The following CNIH3 variants were observed in gnomAD, a reference collection of about 807,000 sequenced individuals.
CNIH3 encodes the protein cornichon family AMPA receptor auxiliary protein 3.
A neutral mutation model predicts 24.1 loss-of-function variants in CNIH3; 14 were observed. That is an observed-to-expected ratio of 0.58 (90% CI 0.38 to 0.91). CNIH3 has a LOEUF of 0.91. Ranked by LOEUF, CNIH3 falls within the 40% of genes least tolerant of loss-of-function variation. CNIH3 has a pLI of 0.00. For missense variants in CNIH3, 178 were observed against 196.8 expected, an observed-to-expected ratio of 0.90 and a Z score of 0.57; for synonymous variants, 68 against 73.8, an observed-to-expected ratio of 0.92 and a Z score of 0.40.
At chr1:224,692,866 C>T (rs192117502) in intron 3 of CNIH3, among the ~76,000 whole-genome samples, 7 of 152,332 alleles carry the variant, frequency 4.6e-5, no homozygotes, top group Non-Finnish European at 1.0e-4. Context: ...ACCACCGCTA[C>T]AGTAACATGG....
intron 1 of CNIH3, among the ~76,000 whole-genome samples, chr1:224,473,030 G>T (rs1676429419): frequency 1.3e-5 from 2 of 152,118 alleles, no homozygotes; most frequent in Admixed American, 1.3e-4. Flanking sequence ...TTTGGCATCA[G>T]TTGCAGGTGA....
At chr1:224,532,547 G>GA (rs1679116028) in intron 2 of CNIH3, among the ~76,000 whole-genome samples, 1 of 152,198 alleles carries the variant, frequency 6.6e-6, no homozygotes, top group Non-Finnish European at 1.5e-5. Flanking sequence ...GAAGTGGGCA[G>GA]AAGTGGTTGT....
At chr1:224,550,488 C>CATTA (rs1175128876) in intron 3 of CNIH3, among the ~76,000 whole-genome samples, 1 of 151,976 alleles carries the variant, frequency 6.6e-6, no homozygotes, top group East Asian at 1.9e-4. Context: ...TGTGTAAGCA[C>CATTA]TGGATATTAT....
At chr1:224,553,976 G>A (rs1680033278) in intron 3 of CNIH3, among the ~76,000 whole-genome samples, 2 of 152,040 alleles carry the variant, frequency 1.3e-5, no homozygotes, top group African/African-American at 4.8e-5. Flanking sequence ...GTTTGTTGAG[G>A]ATTCATTCAT....
At chr1:224,661,458 T>G in intron 1 of CNIH3, 1 of 255,470 alleles carries the variant, frequency 3.9e-6, no homozygotes, top group Non-Finnish European at 7.8e-6. Flanking sequence ...AGAAATCTAC[T>G]GAATGCTGAG....
chr1:224,684,791 G>A lies in CNIH3; in HGVS notation c.151-5G>A, dbSNP rs769471072. The A allele has an allele frequency of 6.2e-7, 1 of 1,613,888 alleles. No homozygotes were observed. Among genetic ancestry groups the A allele is most frequent in the African/African-American group, 1.3e-5 (1 of 75,050 alleles). ...CTCTCATTTCTTTCTTGTGCATCCT[G>A]ATAGAGGGAACGGTTGAGGAACATC... On this transcript the variant is annotated splice_polypyrimidine_tract_variant and splice_region_variant and intron_variant, in intron 2 of 5. Transcript: ENST00000272133. This position sits in a 1 kb window ranked among gnomAD's most constrained non-coding sequence, Gnocchi z 4.2.
At chr1:224,696,574 C>T (rs142920353) in intron 3 of CNIH3, among the ~76,000 whole-genome samples, 7 of 152,292 alleles carry the variant, frequency 4.6e-5, no homozygotes, top group African/African-American at 1.2e-4. Flanking sequence ...GACGAGGTGT[C>T]ACAGGTTGAA....
chr1:224,698,074 T>C (rs1198223093), intron 3 of CNIH3, among the ~76,000 whole-genome samples: 1 of 152,218 alleles, frequency 6.6e-6, no homozygotes, highest in East Asian at 1.9e-4. Flanking sequence ...ATTTGGGGCA[T>C]TGGTCCTCCT....
chr1:224,461,784 TAGC>T (rs1187498451), intron 1 of CNIH3, among the ~76,000 whole-genome samples: 1 of 152,178 alleles, frequency 6.6e-6, no homozygotes, highest in Non-Finnish European at 1.5e-5. Flanking sequence ...CCATATCAAT[TAGC>T]AGTCATTTCC....
intron 1 of CNIH3, among the ~76,000 whole-genome samples, chr1:224,627,172 C>A (rs1448678547): frequency 6.6e-6 from 1 of 152,148 alleles, no homozygotes; most frequent in Non-Finnish European, 1.5e-5. Context: ...AGAAAAAAGT[C>A]ACCTCTTTGG....
At chr1:224,659,731 T>C (rs1685256413) in intron 1 of CNIH3, among the ~76,000 whole-genome samples, 2 of 152,158 alleles carry the variant, frequency 1.3e-5, no homozygotes, top group Admixed American at 1.3e-4. Flanking sequence ...AAACATCGCT[T>C]TTCTAGACCT....
At chr1:224,555,886 A>C (rs959327240) in intron 3 of CNIH3, among the ~76,000 whole-genome samples, 1 of 152,100 alleles carries the variant, frequency 6.6e-6, no homozygotes. Flanking sequence ...GTCATCCTCC[A>C]TGGTTCCTTG....
chr1:224,551,940 C>A (rs1679939708), intron 3 of CNIH3, among the ~76,000 whole-genome samples: 1 of 151,112 alleles, frequency 6.6e-6, no homozygotes, highest in Non-Finnish European at 1.5e-5. Flanking sequence ...CTGTGTACAC[C>A]CACTGTTGTA....
At chr1:224,555,742 G>A (rs115939971) in intron 3 of CNIH3, among the ~76,000 whole-genome samples, 15 of 152,328 alleles carry the variant, frequency 9.8e-5, no homozygotes, top group Non-Finnish European at 1.6e-4. Context: ...TTATGAATTA[G>A]CAATGTTCCT....
chr1:224,457,182 T>C (rs940212362), intron 1 of CNIH3, among the ~76,000 whole-genome samples: 2 of 151,722 alleles, frequency 1.3e-5, no homozygotes, highest in African/African-American at 4.8e-5. Flanking sequence ...GAGTAAGAGA[T>C]GGTGGTGGTA....
chr1:224,730,286 AG>A (rs1311228902), intron 3 of CNIH3, 175 bp from the exon 4 acceptor site: 1 of 564,234 alleles, frequency 1.8e-6, no homozygotes. Flanking sequence ...TGCCATAAAA[AG>A]AAGAACTTAC....
intron 5 of CNIH3, among the ~76,000 whole-genome samples, chr1:224,735,652 T>A (rs199730870): frequency 1.4e-3 from 2 of 1,462 alleles, no homozygotes; most frequent in East Asian, 0.5. Flanking sequence ...TTTTATTTTT[T>A]ATTATTTTTT....
chr1:224,602,857 T>C (rs1235747416), intron 3 of CNIH3, among the ~76,000 whole-genome samples: 1 of 152,222 alleles, frequency 6.6e-6, no homozygotes, highest in Non-Finnish European at 1.5e-5. Flanking sequence ...GTAAAGCTTG[T>C]TAATGTAGCT....
At position 224,729,272 on chromosome 1, in the gene CNIH3, C is replaced by T. The variant is rs374318404; in HGVS notation, c.199-1190C>T. Among the ~76,000 whole-genome samples, 37 of 151,646 alleles carry T rather than the reference C, an allele frequency of 2.4e-4. No homozygotes were observed. The East Asian group carries it at 3.7e-3, about 15-fold the overall frequency. ...CTGAAAAATATGAAAATTAGCTGGG[C>T]GTGGTAGCAGGCGCCTGTAATGCCA... On this transcript the variant is annotated intron_variant, in intron 3 of 5. Transcript: ENST00000272133.
Sources: gnomAD v4.1 joint callset for allele counts (sites outside exome capture counted in the v4.1 genomes callset) on GRCh38, gnomAD v4.1.1 for gene constraint, Gnocchi (gnomAD v3.1) non-coding constraint, MANE v1.5 for transcripts, NCBI Gene and HGNC (gene_info 2026-07-23, HGNC 2026-07-21) for gene names.